ATP7B: variants seen among roughly 807,000 people sequenced by gnomAD.
The protein encoded by ATP7B is ATPase copper transporting beta.
A neutral mutation model predicts 118.9 loss-of-function variants in ATP7B; 113 were observed. The observed-to-expected ratio is 0.95, with a 90% CI of 0.82 to 1.11. ATP7B has a LOEUF of 1.11. Among genes scored for constraint, ATP7B ranks in the 50% most tolerant of loss-of-function variants. ATP7B has a pLI of 0.00. For missense variants in ATP7B, 1,867 were observed against 1,871.4 expected, an observed-to-expected ratio of 1.00 and a Z score of 0.04; for synonymous variants, 777 against 727.4, an observed-to-expected ratio of 1.07 and a Z score of -1.10.
At position 51,968,497 on chromosome 13, in the gene ATP7B, C is replaced by G. The variant is rs1951680524; in HGVS notation, c.1654G>C (p.Glu552Gln). 6.2e-7 allele frequency: 1 copy of G among 1,614,190 alleles called. No individual in the cohort carries two copies. The highest frequency in any genetic ancestry group is 1.7e-5 in the Admixed American group (1 of 60,028). Residue 552 changes from glutamate to glutamine, a missense_variant, in exon 4 of 21, where the codon GAG becomes CAG. Glu to Gln is a conservative substitution (Grantham distance 29). Coordinates refer to ENST00000242839, the MANE Select transcript of ATP7B (RefSeq NM_000053.4). ...IAQFIQDLGF[E>Q]AAVMEDYAGS... ...GCGTAGTCCTCCATGACTGCTGCCT[C>G]AAAACCCAGGTCCTGGATGAACTGA...
At chr13:51,994,297 C>G (rs1384551781) in intron 1 of ATP7B, among the ~76,000 whole-genome samples, 3 of 152,098 alleles carry the variant, frequency 2.0e-5, no homozygotes, top group African/African-American at 7.2e-5. Flanking sequence ...CTTTAGAAAA[C>G]AAAGTAATTA....
intron 3 of ATP7B, 144 bp downstream of exon 3, chr13:51,970,348 A>T: frequency 1.7e-6 from 2 of 1,170,196 alleles, no homozygotes; most frequent in Non-Finnish European, 2.5e-6. Context: ...ATACAAGGAC[A>T]TTAGACAAAC....
intron 17 of ATP7B, among the ~76,000 whole-genome samples, chr13:51,938,155 C>T (rs574768097): frequency 2.8e-4 from 43 of 152,292 alleles, no homozygotes; most frequent in Admixed American, 7.2e-4. Flanking sequence ...CAGCTCCCCG[C>T]GGCATCTCCA....
intron 1 of ATP7B, among the ~76,000 whole-genome samples, chr13:52,008,250 G>T (rs180861733): frequency 9.4e-4 from 143 of 152,326 alleles, no homozygotes; most frequent in African/African-American, 2.9e-3. Flanking sequence ...TGAGGCCGGA[G>T]AATCACTTGA....
At chr13:51,940,511 G>A (rs1402408694) in intron 16 of ATP7B, among the ~76,000 whole-genome samples, 1 of 151,786 alleles carries the variant, frequency 6.6e-6, no homozygotes, top group Non-Finnish European at 1.5e-5. Context: ...TGGGCGTGGT[G>A]GCGGGGGCCT....
chr13:51,942,337 T>C, intron 15 of ATP7B, 49 bp downstream of exon 15: 2 of 1,610,712 alleles, frequency 1.2e-6, no homozygotes, highest in Non-Finnish European at 1.7e-6. Context: ...CTCTGTGGTT[T>C]GACCCACCTC....
At chr13:51,958,608 G>T (rs911797661) in intron 7 of ATP7B, 64 bp from the exon 8 acceptor site, 34 of 1,436,828 alleles carry the variant, frequency 2.4e-5, no homozygotes, top group Non-Finnish European at 3.0e-5. Context: ...AGCGACACAG[G>T]GCCAAGGGCC....
chr13:52,003,112 C>CT (rs944328714), intron 1 of ATP7B, among the ~76,000 whole-genome samples: 1 of 152,210 alleles, frequency 6.6e-6, no homozygotes, highest in Non-Finnish European at 1.5e-5. Context: ...GTAGTACTTA[C>CT]TTTCCTTCAA....
chr13:51,942,253 G>A (rs1823761622), intron 15 of ATP7B, 133 bp downstream of exon 15: 13 of 1,362,902 alleles, frequency 9.5e-6, no homozygotes, highest in Non-Finnish European at 1.3e-5. Context: ...CTGGGTGTGG[G>A]GAGGCAGGCT....
chr13:51,987,636 G>A (rs1027529241), intron 1 of ATP7B, among the ~76,000 whole-genome samples: 1 of 152,158 alleles, frequency 6.6e-6, no homozygotes, highest in African/African-American at 2.4e-5. Flanking sequence ...CAAAGCCGGA[G>A]GCATCACACT....
intron 13 of ATP7B, 37 bp downstream of exon 13, chr13:51,946,247 A>T: frequency 6.5e-7 from 1 of 1,549,828 alleles, no homozygotes; most frequent in Non-Finnish European, 8.7e-7. Context: ...TACTACTTTC[A>T]TCTCTCAGGA....
chr13:51,978,474 T>C (rs1952236229), intron 1 of ATP7B, among the ~76,000 whole-genome samples: 1 of 152,218 alleles, frequency 6.6e-6, no homozygotes, highest in Admixed American at 6.5e-5. Flanking sequence ...AATTACAAAT[T>C]TACGTACTCT....
chr13:51,988,034 C>T (rs1335095844), intron 1 of ATP7B, among the ~76,000 whole-genome samples: 2 of 152,080 alleles, frequency 1.3e-5, no homozygotes, highest in Non-Finnish European at 2.9e-5. Context: ...AAAGCAATGG[C>T]AACAAAAGCC....
chr13:51,968,730 C>T (rs1452866850), intron 3 of ATP7B, 123 bp from the exon 4 acceptor site: 1 of 1,214,768 alleles, frequency 8.2e-7, no homozygotes, highest in East Asian at 2.4e-5. Flanking sequence ...AGTTTTCAAA[C>T]ACTGTTTGAA....
intron 1 of ATP7B, among the ~76,000 whole-genome samples, chr13:51,999,733 C>T (rs1180981090): frequency 6.6e-6 from 1 of 152,102 alleles, no homozygotes; most frequent in Non-Finnish European, 1.5e-5. Context: ...TGACAGAACG[C>T]ACATCCAGGC....
intron 7 of ATP7B, chr13:51,959,313 GA>G (rs2139573379): frequency 6.5e-6 from 1 of 152,782 alleles, no homozygotes; most frequent in East Asian, 1.9e-4. Flanking sequence ...GAGGACTGTT[GA>G]AGGCCAGGAG....
At chr13:51,975,605 TG>T in intron 1 of ATP7B, 1 of 506,364 alleles carries the variant, frequency 2.0e-6, no homozygotes, top group Non-Finnish European at 3.9e-6. Flanking sequence ...GCTCAAACTT[TG>T]GGGGTCCTGC....
At chr13:51,958,727 G>C (rs1958525920) in intron 7 of ATP7B, 183 bp from the exon 8 acceptor site, 2 of 639,452 alleles carry the variant, frequency 3.1e-6, no homozygotes, top group Non-Finnish European at 5.6e-6. Context: ...ACTGTCCACA[G>C]GAATGGATGA....
Position 52,007,588 on chromosome 13 carries a change from A to G in ATP7B, c.51+3699T>C, listed in dbSNP as rs117490113. Among the ~76,000 whole-genome samples, 28 of 152,300 alleles carry G rather than the reference A, an allele frequency of 1.8e-4. No individual in the cohort carries two copies. In the East Asian group the frequency reaches 5.4e-3, roughly 29 times the overall value. ...TCACACCAACCAATGCTCTCTCTCC[A>G]GACACTAACTGGGTGCCCTACAATT... On this transcript the variant is annotated intron_variant, in intron 1 of 20. Transcript: ENST00000242839.
Sources: allele counts gnomAD v4.1 joint callset (sites outside exome capture counted in the v4.1 genomes callset), GRCh38; gene constraint gnomAD v4.1.1; transcripts MANE v1.5; gene names NCBI Gene and HGNC (gene_info 2026-07-23, HGNC 2026-07-21).